Variants in YJEFN3 observed in about 807,000 individuals in gnomAD.
The protein encoded by YJEFN3 is YjeF N-terminal domain containing 3, also known as yjeF N-terminal domain-containing protein 3.
Under a neutral mutation model 31.5 loss-of-function variants are expected in YJEFN3, and 29 were observed. The ratio of observed to expected loss-of-function variants is 0.92; its 90% CI spans 0.69 to 1.26. The LOEUF (loss-of-function observed/expected upper bound fraction) is 1.26. YJEFN3 is among the 50% of genes most tolerant of loss of function. The probability of loss-of-function intolerance (pLI) is 0.00; values close to 1 mark genes in which losing one functional copy is unlikely to be tolerated. For missense variants in YJEFN3, 442 were observed against 425.4 expected (o/e 1.04, Z -0.34); for synonymous variants, 227 against 196.1 (o/e 1.16, Z -1.32).
intron 2 of YJEFN3, among the ~76,000 whole-genome samples, chr19:19,531,683 C>T (rs2061157219): frequency 6.7e-6 from 1 of 148,802 alleles, no homozygotes; most frequent in Non-Finnish European, 1.5e-5. Context: ...GCTTCACCTC[C>T]AGCTAAGTAG....
At position 19,537,513 on chromosome 19, in the gene YJEFN3, G is replaced by A. The variant is rs1321793261; in HGVS notation, c.889G>A (p.Ala297Thr). 1.9e-6 allele frequency: 3 copies of A among 1,560,756 alleles called. No homozygotes were observed. The African/African-American group carries it at 4.1e-5, about 21-fold the overall frequency. The change falls in exon 7 of 7, where the codon GCG becomes ACG. Residue 297 changes from alanine to threonine, a missense_variant. Ala to Thr is a moderately conservative substitution (Grantham distance 58, BLOSUM62 0). Coordinates refer to ENST00000514277, the MANE Select transcript of YJEFN3 (RefSeq NM_198537.4). ...GGGATACACGGGCACCGACTGCGTC[G>A]CGGCACTGTGACCGCCACCCGCGGC... ...LPGYTGTDCV[A>T]AL
chr19:19,534,836 C>A lies in YJEFN3; in HGVS notation c.319-198C>A, dbSNP rs4808206. The A allele has an allele frequency of 0.15, 64,889 of 422,826 alleles. 5,570 individuals carry two copies. Among genetic ancestry groups the A allele is most frequent in the Middle Eastern group, 0.27 (441 of 1,638 alleles). 26.2% of individuals were successfully genotyped at this position (422,826 alleles called of 1,614,324 possible). On this transcript the variant is annotated intron_variant, in intron 3 of 6. Transcript: ENST00000514277. This position sits in a 1 kb window ranked among gnomAD's most constrained non-coding sequence, Gnocchi z 4.6. ...GCACCGACCTGGCAGAGCCTGAGAC[C>A]GGGCCTCTGCATCTCCAGCGGGGAA... is the stretch of plus-strand genomic sequence containing the variant.
At chr19:19,535,221 C>G (rs1489770441) in intron 4 of YJEFN3, 77 bp downstream of exon 4, 1 of 1,516,000 alleles carries the variant, frequency 6.6e-7, no homozygotes. Context: ...GATAGCTTCC[C>G]AGGGGGACAT....
rs777246541 is a variant in YJEFN3, at chr19:19,537,368, C to A, written c.744C>A (p.Asp248Glu). The A allele has an allele frequency of 1.3e-6, 2 of 1,596,132 alleles. No individual in the cohort carries two copies. Among genetic ancestry groups the A allele is most frequent in the Admixed American group, 1.7e-5 (1 of 59,624 alleles). ...ATTCGGAGGACGGGCTGCGGCCTGACGTGCTGGTGTCTCTCGCGGCGCCCA... is the reference window on the plus strand; with the variant it reads ...ATTCGGAGGACGGGCTGCGGCCTGAAGTGCTGGTGTCTCTCGCGGCGCCCA... ...GSDSEDGLRP[D>E]VLVSLAAPKR... is the part of the protein sequence containing the mutation. Residue 248 changes from aspartate to glutamate, a missense_variant, in exon 7 of 7, where the codon GAC (aspartate) becomes GAA (glutamate). Asp to Glu is a conservative substitution (Grantham distance 45). Coordinates refer to ENST00000514277, the MANE Select transcript of YJEFN3 (RefSeq NM_198537.4).
chr19:19,537,525 C>G lies in YJEFN3; in HGVS notation c.*1C>G. ...CACCGACTGCGTCGCGGCACTGTGA[C>G]CGCCACCCGCGGCCACACCGCAGGG... On this transcript the variant is annotated 3_prime_UTR_variant, in exon 7 of 7. Transcript: ENST00000514277. 1 of 1,551,356 alleles carries G rather than the reference C, an allele frequency of 6.4e-7. No individual in the cohort carries two copies. Among genetic ancestry groups the G allele is most frequent in the Admixed American group, 1.8e-5 (1 of 55,968 alleles).
intron 3 of YJEFN3, chr19:19,533,638 AC>A: frequency 2.1e-6 from 2 of 961,916 alleles, no homozygotes; most frequent in Non-Finnish European, 2.4e-6. Context: ...CTCCCTCCTC[AC>A]CCCTCCTCCT....
In YJEFN3 at chr19:19,532,884, C is replaced by T. The variant is rs2061172224; in HGVS notation, c.318+144C>T. 2.5e-5 allele frequency: 28 copies of T among 1,103,208 alleles called. No individual in the cohort carries two copies. In the Middle Eastern group the frequency reaches 1.0e-3, roughly 41 times the overall value. 68.3% of individuals were successfully genotyped at this position (1,103,208 alleles called of 1,614,324 possible). ...CCCCAGCCTGATGGGTAAACTGAGG[C>T]CCAGAGAGGCTCATGGCTGGTGCAG... On this transcript the variant is annotated intron_variant, in intron 3 of 6. Transcript: ENST00000514277.
In YJEFN3 at chr19:19,537,231, G is replaced by A. The variant is rs2061218276; in HGVS notation, c.695-88G>A. Reference sequence around the variant, plus strand: ...GGCAGAGGCTCAGTGTTGGAGGGGAGAGGAGAGGAGGCAGGGACAGGATGG... The same window carrying A: ...GGCAGAGGCTCAGTGTTGGAGGGGAAAGGAGAGGAGGCAGGGACAGGATGG... On this transcript the variant is annotated intron_variant, in intron 6 of 6. Transcript: ENST00000514277. The A allele has an allele frequency of 3.2e-6, 4 of 1,233,702 alleles. No homozygotes were observed. The Admixed American group carries it at 9.7e-5, about 30-fold the overall frequency. The allele number at this position is 1,233,702 out of a possible 1,614,324, so 76.4% of individuals were successfully genotyped here.
chr19:19,532,563 A>C, intron 2 of YJEFN3, 69 bp from the exon 3 acceptor site: 1 of 1,110,964 alleles, frequency 9.0e-7, no homozygotes, highest in Non-Finnish European at 1.3e-6. Flanking sequence ...GCTTGGCGGA[A>C]CATTTCTGGC....
Position 19,533,010 on chromosome 19 carries a change from T to C in YJEFN3, c.318+270T>C, listed in dbSNP as rs1381746988. On this transcript the variant is annotated intron_variant, in intron 3 of 6. Coordinates refer to ENST00000514277, the MANE Select transcript of YJEFN3 (RefSeq NM_198537.4). ...CTGGAAGTGCAACCCCTCCTGCACA[T>C]GTGACCCGCCTGCTTCTGCCACCTC... The C allele has an allele frequency of 4.9e-6, 6 of 1,236,302 alleles. No homozygotes were observed. In the African/African-American group the frequency reaches 6.2e-5, roughly 13 times the overall value. 76.6% of individuals were successfully genotyped at this position (1,236,302 alleles called of 1,614,324 possible).
At position 19,537,340 on chromosome 19, in the gene YJEFN3, GC is replaced by G; in HGVS notation, c.717del (p.Ser239ArgfsTer75). Reference sequence around the variant, plus strand: ...TCAGGCTGGGACGCAGAGACCGGCAGCGATTCGGAGGACGGGCTGCGGCCTG... The same window carrying G: ...TCAGGCTGGGACGCAGAGACCGGCAGGATTCGGAGGACGGGCTGCGGCCTG... ...IPSGWDAETG[S>X]DSEDGLRPDV... is the part of the protein sequence containing the mutation. On this transcript the variant is annotated frameshift_variant, in exon 7 of 7. Coordinates refer to ENST00000514277, the MANE Select transcript of YJEFN3 (RefSeq NM_198537.4). LOFTEE classifies it high-confidence loss of function. The G allele has an allele frequency of 1.3e-6, 2 of 1,595,258 alleles. No individual in the cohort carries two copies. The highest frequency in any genetic ancestry group is 1.1e-5 in the South Asian group (1 of 90,146).
At position 19,535,237 on chromosome 19, in the gene YJEFN3, C is replaced by T. The variant is rs1043987999; in HGVS notation, c.429+93C>T. 14 of 1,504,148 alleles carry T rather than the reference C, an allele frequency of 9.3e-6. No homozygotes were observed. In the East Asian group the frequency reaches 1.1e-4, roughly 12 times the overall value. 93.2% of individuals were successfully genotyped at this position (1,504,148 alleles called of 1,614,324 possible). Reference sequence around the variant, plus strand: ...ATAGCTTCCCAGGGGGACATTGACGCAGGGCCAGGTTATAGAATATGCCCA... The same window carrying T: ...ATAGCTTCCCAGGGGGACATTGACGTAGGGCCAGGTTATAGAATATGCCCA... On this transcript the variant is annotated intron_variant, in intron 4 of 6. Coordinates refer to ENST00000514277, the MANE Select transcript of YJEFN3 (RefSeq NM_198537.4).
chr19:19,529,243 T>A, intron 1 of YJEFN3, 121 bp from the exon 2 acceptor site: 1 of 1,454,314 alleles, frequency 6.9e-7, no homozygotes, highest in East Asian at 2.5e-5. Flanking sequence ...GACACTAAGC[T>A]GCGTTGCTGG....
rs1568365768 is a variant in YJEFN3 at position 19,535,352 on chromosome 19, A to G, written c.445A>G (p.Ile149Val). The change falls in exon 5 of 7, where the codon ATC (isoleucine) becomes GTC (valine). Residue 149 changes from isoleucine (I) to valine (V), a missense_variant. Physicochemically the swap from Ile to Val is conservative, Grantham distance 29. Coordinates refer to ENST00000514277, the MANE Select transcript of YJEFN3 (RefSeq NM_198537.4). Reference protein sequence around the residue: ...HLRVFEYEPTIFYPTRSLDLL... With the variant: ...HLRVFEYEPTVFYPTRSLDLL... Reference sequence around the variant, plus strand: ...CCACCCCCAGGAGTATGAACCCACCATCTTCTACCCCACACGCTCGCTGGA... The same window carrying G: ...CCACCCCCAGGAGTATGAACCCACCGTCTTCTACCCCACACGCTCGCTGGA... 3 of 1,613,734 alleles carry G rather than the reference A, an allele frequency of 1.9e-6. No individual in the cohort carries two copies. The highest frequency in any genetic ancestry group is 2.5e-6 in the Non-Finnish European group (3 of 1,179,934).
chr19:19,532,492 AGGCTGCAGACGCTACTC>A, intron 2 of YJEFN3, 123 bp from the exon 3 acceptor site: 1 of 520,756 alleles, frequency 1.9e-6, no homozygotes, highest in South Asian at 2.9e-5. Flanking sequence ...CCCCAGCTCA[AGGCTGCAGACGCTACTC>A]GGGGGTACGG....
At chr19:19,532,866 C>G in intron 3 of YJEFN3, 126 bp downstream of exon 3, 1 of 1,086,872 alleles carries the variant, frequency 9.2e-7, no homozygotes, top group Non-Finnish European at 1.3e-6. Flanking sequence ...CTACCCCAGC[C>G]TGATGGGTAA....
Position 19,535,625 on chromosome 19 carries a change from C to T in YJEFN3, c.640C>T (p.Leu214=), listed in dbSNP as rs1242168870. The change falls in exon 6 of 7, where the codon CTG becomes TTG. Residue 214 remains leucine, a synonymous_variant. Transcript: ENST00000514277. Reference sequence around the variant, plus strand: ...GGTCGGGGGCCCCTGCACCCGCGCGCTGGCCACGCTCAAGCTGCTGTCCAT... The same window carrying T: ...GGTCGGGGGCCCCTGCACCCGCGCGTTGGCCACGCTCAAGCTGCTGTCCAT... ...GEVGGPCTRA[L]ATLKLLSIPL... The T allele has an allele frequency of 6.3e-7, 1 of 1,587,046 alleles. No individual in the cohort carries two copies. The highest frequency in any genetic ancestry group is 1.7e-4 in the Middle Eastern group (1 of 5,966).
chr19:19,531,755 G>T (rs1331937023), intron 2 of YJEFN3, among the ~76,000 whole-genome samples: 1 of 100,968 alleles, frequency 9.9e-6, no homozygotes, highest in African/African-American at 5.4e-5. Context: ...TTTTGGAGAC[G>T]GAGCCTCACT....
rs1451450348 is a variant in YJEFN3 at position 19,532,755 on chromosome 19, A to AC, written c.318+20dup. 7.8e-6 allele frequency: 12 copies of AC among 1,534,498 alleles called. No individual in the cohort carries two copies. The highest frequency in any genetic ancestry group is 1.4e-5 in the African/African-American group (1 of 72,832). ...CTGTGACCAAGGTACCTGACCCCTG[A>AC]CCCCCAACCCTGACCCCAACCAGAC... is the stretch of plus-strand genomic sequence containing the variant. On this transcript the variant is annotated intron_variant, in intron 3 of 6. Transcript: ENST00000514277.
Sources: allele counts gnomAD v4.1 joint callset (sites outside exome capture counted in the v4.1 genomes callset), GRCh38; gene constraint gnomAD v4.1.1; non-coding constraint Gnocchi (gnomAD v3.1); transcripts MANE v1.5; gene names NCBI Gene and HGNC (gene_info 2026-07-23, HGNC 2026-07-21).